Variants in LUZP2 observed in about 807,000 individuals in gnomAD.
LUZP2 encodes leucine zipper protein 2.
In LUZP2, 52 loss-of-function variants were observed where a neutral mutation model predicts 51.6. The observed-to-expected ratio is 1.01, with a 90% CI of 0.81 to 1.27. The LOEUF is 1.27. LUZP2 is among the 50% of genes most tolerant of loss of function. The pLI, the probability that LUZP2 is intolerant of heterozygous loss-of-function variation, is 0.00. For synonymous variants in LUZP2, 154 were observed against 137.3 expected (o/e 1.12, Z -0.85); for missense variants, 436 against 395.4 (o/e 1.10, Z -0.87).
chr11:24,820,112 A>G (rs1168794387), intron 5 of LUZP2, among the ~76,000 whole-genome samples: 1 of 152,152 alleles, frequency 6.6e-6, no homozygotes, highest in Non-Finnish European at 1.5e-5. Flanking sequence ...CTAGTGAGAC[A>G]AAAGAAAAAA....
In LUZP2 at chr11:24,621,405, AT is replaced by A. The variant is rs148994649; in HGVS notation, c.63-107755del. 1.1e-4 allele frequency among the ~76,000 whole-genome samples: 16 copies of A among 151,474 alleles called. No individual in the cohort carries two copies. The East Asian group carries it at 1.2e-3, about 11-fold the overall frequency. On this transcript the variant is annotated intron_variant, in intron 1 of 11. Transcript: ENST00000336930. ...TGCATTTGTGGAGACAGGTAAATCT[AT>A]TTTTTTTTATGAAGTCAGTGAATTT...
chr11:25,017,513 G>A (rs1857193188), intron 9 of LUZP2, among the ~76,000 whole-genome samples: 1 of 152,036 alleles, frequency 6.6e-6, no homozygotes, highest in Non-Finnish European at 1.5e-5. Context: ...TTATTGAATG[G>A]GGTGTTGTTT....
chr11:24,539,219 C>T (rs936531976), intron 1 of LUZP2, among the ~76,000 whole-genome samples: 1 of 151,770 alleles, frequency 6.6e-6, no homozygotes, highest in Non-Finnish European at 1.5e-5. Context: ...CTTTGTTGTT[C>T]TAGAATTGAT....
At chr11:24,759,502 A>C (rs1056652050) in intron 4 of LUZP2, among the ~76,000 whole-genome samples, 2 of 152,128 alleles carry the variant, frequency 1.3e-5, no homozygotes, top group African/African-American at 4.8e-5. Flanking sequence ...ACATTTAATA[A>C]TTATAGTCTT....
intron 5 of LUZP2, among the ~76,000 whole-genome samples, chr11:24,858,880 A>T (rs992122244): frequency 6.6e-6 from 1 of 152,222 alleles, no homozygotes; most frequent in African/African-American, 2.4e-5. Flanking sequence ...TCTTTAGTTT[A>T]TCCCACCTCC....
intron 1 of LUZP2, among the ~76,000 whole-genome samples, chr11:24,560,957 G>A (rs555804269): frequency 6.6e-6 from 1 of 152,304 alleles, no homozygotes; most frequent in African/African-American, 2.4e-5. Flanking sequence ...AAAAGAGGAA[G>A]AGTGTAGACT....
chr11:24,771,625 C>A (rs1378570236), intron 5 of LUZP2, among the ~76,000 whole-genome samples: 2 of 151,816 alleles, frequency 1.3e-5, no homozygotes, highest in East Asian at 3.9e-4. Flanking sequence ...ACACTACCTC[C>A]AAATTTGGAG....
chr11:24,756,877 G>A (rs997225184), intron 4 of LUZP2, among the ~76,000 whole-genome samples: 2 of 152,140 alleles, frequency 1.3e-5, no homozygotes, highest in Non-Finnish European at 1.5e-5. Flanking sequence ...TAGAACTTCT[G>A]ACCCACCAGT....
intron 1 of LUZP2, among the ~76,000 whole-genome samples, chr11:24,570,816 A>G (rs1315929935): frequency 2.0e-5 from 3 of 152,070 alleles, no homozygotes; most frequent in Non-Finnish European, 4.4e-5. Context: ...TTTCATATAT[A>G]AAACATTCTA....
chr11:24,538,298 T>C (rs1257047223), intron 1 of LUZP2, among the ~76,000 whole-genome samples: 1 of 151,726 alleles, frequency 6.6e-6, no homozygotes, highest in East Asian at 1.9e-4. Flanking sequence ...CACACTATAT[T>C]AAAAATTAGC....
At chr11:24,748,415 C>T (rs560775297) in intron 4 of LUZP2, among the ~76,000 whole-genome samples, 2 of 151,960 alleles carry the variant, frequency 1.3e-5, no homozygotes, top group Admixed American at 6.6e-5. Context: ...CTGGGTTCTG[C>T]GGGAGCAGTT....
At chr11:25,075,050 G>T (rs11028400) in intron 10 of LUZP2, among the ~76,000 whole-genome samples, 1 of 151,788 alleles carries the variant, frequency 6.6e-6, no homozygotes, top group Non-Finnish European at 1.5e-5. Context: ...TTAATTTTTC[G>T]AAGGGTAAAT....
At chr11:24,996,417 A>G (rs971096372) in intron 9 of LUZP2, among the ~76,000 whole-genome samples, 2 of 151,814 alleles carry the variant, frequency 1.3e-5, no homozygotes, top group African/African-American at 4.8e-5. Flanking sequence ...TTCATGAATA[A>G]TTCTTACATT....
intron 10 of LUZP2, among the ~76,000 whole-genome samples, chr11:25,058,179 C>T (rs1234550365): frequency 6.6e-6 from 1 of 151,502 alleles, no homozygotes; most frequent in Non-Finnish European, 1.5e-5. Flanking sequence ...CAAGAAGAAG[C>T]AGGAATCCCT....
At chr11:24,827,725 C>T (rs1027065997) in intron 5 of LUZP2, among the ~76,000 whole-genome samples, 2 of 152,150 alleles carry the variant, frequency 1.3e-5, no homozygotes, top group African/African-American at 4.8e-5. Flanking sequence ...TCAGTAATCT[C>T]TGAGGATGGG....
At chr11:24,861,437 A>T (rs1189508875) in intron 5 of LUZP2, among the ~76,000 whole-genome samples, 1 of 152,210 alleles carries the variant, frequency 6.6e-6, no homozygotes, top group African/African-American at 2.4e-5. Context: ...ACACTTCAGG[A>T]TATTATTCAG....
At chr11:24,924,004 A>T (rs1407910447) in intron 7 of LUZP2, among the ~76,000 whole-genome samples, 2 of 151,922 alleles carry the variant, frequency 1.3e-5, no homozygotes, top group East Asian at 3.9e-4. Context: ...TAAAATATGG[A>T]TTCAGTGAGG....
In LUZP2 at chr11:24,627,432, C is replaced by T. The variant is rs529170525; in HGVS notation, c.63-101737C>T. 3.9e-5 allele frequency among the ~76,000 whole-genome samples: 6 copies of T among 152,272 alleles called. No homozygotes were observed. The South Asian group carries it at 1.2e-3, about 32-fold the overall frequency. ...CTTTTTCTTTAGTACTAGCTTGTCT[C>T]CCCGGAGTGGCAAGTCTATTGGTAT... On this transcript the variant is annotated intron_variant, in intron 1 of 11. Transcript: ENST00000336930.
chr11:24,566,880 A>AATATG, intron 1 of LUZP2, among the ~76,000 whole-genome samples: 1 of 123,230 alleles, frequency 8.1e-6, no homozygotes, highest in Non-Finnish European at 1.7e-5. Flanking sequence ...CATATTTATA[A>AATATG]CATATATACA....
Sources: gnomAD v4.1 joint callset for allele counts (sites outside exome capture counted in the v4.1 genomes callset) on GRCh38, gnomAD v4.1.1 for gene constraint, MANE v1.5 for transcripts, NCBI Gene and HGNC (gene_info 2026-07-23, HGNC 2026-07-21) for gene names.